SBNO2: variants seen among roughly 807,000 people sequenced by gnomAD.
SBNO2 encodes the protein strawberry notch homolog 2.
In SBNO2, 89 loss-of-function variants were observed where a neutral mutation model predicts 146.3. That is an observed-to-expected ratio of 0.61 (90% CI 0.51 to 0.73). The LOEUF is 0.73. SBNO2 is among the 30% of genes least tolerant of loss of function. SBNO2 has a pLI of 0.00. For synonymous variants in SBNO2, 1,147 were observed against 892.6 expected (o/e 1.29, Z -5.08); for missense variants, 2,092 against 2,003.7 (o/e 1.04, Z -0.84).
rs1484094916 is a variant in SBNO2, at chr19:1,110,214, G to GT, written c.3029-438dup. On this transcript the variant is annotated intron_variant, in intron 26 of 31. Coordinates refer to ENST00000361757, the MANE Select transcript of SBNO2 (RefSeq NM_014963.3). This position sits in a 1 kb window ranked among gnomAD's most constrained non-coding sequence, Gnocchi z 4.9. ...GGCTGCGGCACTGCTCATGAGTGAA[G>GT]TAGCCATGGCCCGGACCCGACCCTC... 6.6e-6 allele frequency among the ~76,000 whole-genome samples: 1 copy of GT among 152,146 alleles called. No homozygotes were observed. Among genetic ancestry groups the GT allele is most frequent in the East Asian group, 1.9e-4 (1 of 5,200 alleles).
At chr19:1,164,981 G>A (rs113078435) in intron 1 of SBNO2, among the ~76,000 whole-genome samples, 1 of 151,864 alleles carries the variant, frequency 6.6e-6, no homozygotes, top group East Asian at 1.9e-4. Flanking sequence ...ACAGGAGGAG[G>A]AGGAGGAGGA....
At chr19:1,161,553 G>A (rs2080345449) in intron 1 of SBNO2, among the ~76,000 whole-genome samples, 1 of 113,840 alleles carries the variant, frequency 8.8e-6, no homozygotes, top group African/African-American at 3.4e-5. Context: ...GGAAGTGGGG[G>A]TGGGAGTGCC....
chr19:1,162,241 C>T (rs1385244252), intron 1 of SBNO2, among the ~76,000 whole-genome samples: 1 of 116,642 alleles, frequency 8.6e-6, no homozygotes, highest in Non-Finnish European at 1.8e-5. Context: ...GGGTGGATCA[C>T]GAGGTCAGGA....
chr19:1,169,694 G>A (rs932124013), intron 1 of SBNO2, among the ~76,000 whole-genome samples: 9 of 152,142 alleles, frequency 5.9e-5, no homozygotes, highest in Admixed American at 3.3e-4. Flanking sequence ...ACCAGTTCCC[G>A]GGGACACCGT....
At chr19:1,124,367 G>C (rs1405287796) in intron 5 of SBNO2, among the ~76,000 whole-genome samples, 1 of 152,224 alleles carries the variant, frequency 6.6e-6, no homozygotes, top group Non-Finnish European at 1.5e-5. Context: ...GAGCTGCCAG[G>C]AAGGCTGTGG....
At chr19:1,162,369 A>C (rs1320184445) in intron 1 of SBNO2, among the ~76,000 whole-genome samples, 6 of 149,380 alleles carry the variant, frequency 4.0e-5, no homozygotes, top group Admixed American at 4.0e-4. Context: ...CCGAGGCAGG[A>C]GAATGGCGTG....
intron 5 of SBNO2, among the ~76,000 whole-genome samples, chr19:1,125,109 T>A (rs1199814073): frequency 6.6e-6 from 1 of 151,776 alleles, no homozygotes; most frequent in Non-Finnish European, 1.5e-5. Flanking sequence ...TCCCAGCACT[T>A]TGGGAGGCCA....
At chr19:1,117,553 C>T (rs954103044) in intron 14 of SBNO2, 54 bp from the exon 15 acceptor site, 21 of 1,499,408 alleles carry the variant, frequency 1.4e-5, no homozygotes, top group Middle Eastern at 2.0e-4. Context: ...GCTCCCGACC[C>T]GGGCCCCGGC....
chr19:1,132,063 T>C (rs1351210757), intron 4 of SBNO2: 2 of 1,505,938 alleles, frequency 1.3e-6, no homozygotes, highest in Admixed American at 4.5e-5. Flanking sequence ...CCCGAGGGCC[T>C]CGCCCGCCCC....
chr19:1,150,770 C>T lies in SBNO2; in HGVS notation c.94-1328G>A, dbSNP rs778926322. On this transcript the variant is annotated intron_variant, in intron 2 of 31. Coordinates refer to ENST00000361757, the MANE Select transcript of SBNO2 (RefSeq NM_014963.3). This position sits in a 1 kb window ranked among gnomAD's most constrained non-coding sequence, Gnocchi z 6.2. ...GGCTCGGCCACCTCTGCCCCTCATT[C>T]ACCTCACACTGGCTGGGAACCAGCC... is the stretch of plus-strand genomic sequence containing the variant. Among the ~76,000 whole-genome samples the T allele has an allele frequency of 1.5e-4, 23 of 152,196 alleles. No homozygotes were observed. The highest frequency in any genetic ancestry group is 7.4e-5 in the Non-Finnish European group (5 of 68,018).
At chr19:1,138,452 T>C (rs1004898527) in intron 4 of SBNO2, among the ~76,000 whole-genome samples, 8 of 151,900 alleles carry the variant, frequency 5.3e-5, no homozygotes, top group African/African-American at 1.7e-4. Context: ...CACACAGACA[T>C]GGACCTGCAT....
rs2079744783 is a variant in SBNO2 at position 1,110,597 on chromosome 19, A to C, written c.3028+148T>G. The C allele has an allele frequency of 2.2e-6, 2 of 929,576 alleles. No individual in the cohort carries two copies. Among genetic ancestry groups the C allele is most frequent in the Non-Finnish European group, 2.9e-6 (2 of 679,300 alleles). 57.6% of individuals were successfully genotyped at this position (929,576 alleles called of 1,614,324 possible). ...CGGCGTTCCCACGAGCCCCTCGCCC[A>C]CCCGGGATGCACGGTGTTCCCACGA... On this transcript the variant is annotated intron_variant, in intron 26 of 31. Transcript: ENST00000361757. This position sits in a 1 kb window ranked among gnomAD's most constrained non-coding sequence, Gnocchi z 4.9.
Position 1,122,127 on chromosome 19 carries a change from C to T in SBNO2, c.1149+12G>A. 7.0e-7 allele frequency: 1 copy of T among 1,418,730 alleles called. No individual in the cohort carries two copies. Among genetic ancestry groups the T allele is most frequent in the Non-Finnish European group, 9.3e-7 (1 of 1,079,578 alleles). 87.9% of individuals were successfully genotyped at this position (1,418,730 alleles called of 1,614,324 possible). A position where few individuals can be genotyped will look rare whatever the true frequency, so the allele number is the denominator to read the frequency against. On this transcript the variant is annotated intron_variant, in intron 11 of 31. Coordinates refer to ENST00000361757, the MANE Select transcript of SBNO2 (RefSeq NM_014963.3). ...TCCAGCCCTCCCCTCCCGATTGCCC[C>T]CAGCAGGATACGACGCCCTCGAAGG...
intron 4 of SBNO2, among the ~76,000 whole-genome samples, chr19:1,130,739 C>T (rs1018301338): frequency 4.6e-5 from 7 of 152,068 alleles, no homozygotes; most frequent in African/African-American, 1.7e-4. Flanking sequence ...TTGCAGGGAG[C>T]CGAGATCGTG....
chr19:1,112,593 C>T lies in SBNO2; in HGVS notation c.2380-56G>A. 6.6e-7 allele frequency: 1 copy of T among 1,517,062 alleles called. No individual in the cohort carries two copies. The highest frequency in any genetic ancestry group is 8.8e-7 in the Non-Finnish European group (1 of 1,136,256). 94.0% of individuals were successfully genotyped at this position (1,517,062 alleles called of 1,614,324 possible). On this transcript the variant is annotated intron_variant, in intron 20 of 31. Transcript: ENST00000361757. The surrounding 1 kb of genome is among the most constrained non-coding windows in gnomAD (Gnocchi z 5.9). ...TGGTGCAAGGCCCGCCCCAGCGTTG[C>T]CGCCACCTCCTCACCCACTAGGCCC...
Position 1,147,439 on chromosome 19 carries a change from G to GGAGGC in SBNO2, c.168-20_168-19insGCCTC. 1 of 1,265,270 alleles carries GGAGGC rather than the reference G, an allele frequency of 7.9e-7. No homozygotes were observed. The highest frequency in any genetic ancestry group is 1.1e-6 in the Non-Finnish European group (1 of 922,486). The allele number at this position is 1,265,270 out of a possible 1,614,324, so 78.4% of individuals were successfully genotyped here. A position where few individuals can be genotyped will look rare whatever the true frequency, so the allele number is the denominator to read the frequency against. ...GAACGGGCTGGAGGGAGATGGGGGG[G>GGAGGC]GGGGAGGTGAGATGGGGTGCTCAAC... On this transcript the variant is annotated intron_variant, in intron 3 of 31. Transcript: ENST00000361757.
chr19:1,111,994 A>C lies in SBNO2; in HGVS notation c.2700+2T>G. On this transcript the variant is annotated splice_donor_variant, in intron 23 of 31. Coordinates refer to ENST00000361757, the MANE Select transcript of SBNO2 (RefSeq NM_014963.3). LOFTEE classifies it high-confidence loss of function. ...CCCCCAACCCTGCCTTCCCTGCAGT[A>C]CCTTGTTCTCAAAGTTGTACTTGCT... 6.2e-7 allele frequency: 1 copy of C among 1,609,358 alleles called. No individual in the cohort carries two copies. The highest frequency in any genetic ancestry group is 8.5e-7 in the Non-Finnish European group (1 of 1,178,626).
At position 1,127,647 on chromosome 19, in the gene SBNO2, G is replaced by A. The variant is rs1194149984; in HGVS notation, c.398C>T (p.Ser133Phe). ...GGCAGGGTTATCGTCCCAGATGGTG[G>A]ACACCTGGTTGAGGCTGTCAGCCGG... is the stretch of plus-strand genomic sequence containing the variant. The part of the protein sequence containing the change: ...FLPADSLNQV[S>F]TIWDDNPAPS... The change falls in exon 5 of 32, where the codon TCC (serine) becomes TTC (phenylalanine). Residue 133 changes from serine to phenylalanine, a missense_variant. Transcript: ENST00000361757. 2 of 1,613,470 alleles carry A rather than the reference G, an allele frequency of 1.2e-6. No individual in the cohort carries two copies. Among genetic ancestry groups the A allele is most frequent in the East Asian group, 2.2e-5 (1 of 44,882 alleles).
chr19:1,164,689 GGAGGAA>G (rs1450030945), intron 1 of SBNO2, among the ~76,000 whole-genome samples: 2 of 59,968 alleles, frequency 3.3e-5, no homozygotes, highest in Admixed American at 2.3e-4. Flanking sequence ...AGGAGGAGGA[GGAGGAA>G]GAACAGGAGG....
Sources: gnomAD v4.1 joint callset for allele counts (sites outside exome capture counted in the v4.1 genomes callset) on GRCh38, gnomAD v4.1.1 for gene constraint, Gnocchi (gnomAD v3.1) non-coding constraint, MANE v1.5 for transcripts, NCBI Gene and HGNC (gene_info 2026-07-23, HGNC 2026-07-21) for gene names.